NKAIN1: variants seen among roughly 807,000 people sequenced by gnomAD.
The protein encoded by NKAIN1 is sodium/potassium transporting ATPase interacting 1, also known as sodium/potassium-transporting ATPase subunit beta-1-interacting protein 1.
Under a neutral mutation model 31.6 loss-of-function variants are expected in NKAIN1, and 13 were observed. That is an observed-to-expected ratio of 0.41 (90% confidence interval 0.27 to 0.65). The LOEUF (loss-of-function observed/expected upper bound fraction) is 0.65, where lower values mean the gene tolerates loss of function less well. NKAIN1 is among the 30% of genes least tolerant of loss of function. NKAIN1 has a pLI of 0.30. For missense variants in NKAIN1, 193 were observed against 262.2 expected (o/e 0.74, Z 1.82); for synonymous variants, 104 against 109.0 (o/e 0.95, Z 0.28).
chr1:31,219,293 G>T (rs1323492935), intron 1 of NKAIN1, among the ~76,000 whole-genome samples: 6 of 152,242 alleles, frequency 3.9e-5, no homozygotes, highest in Non-Finnish European at 8.8e-5. Context: ...GGTCTCATAC[G>T]CAGGTCTGGA....
At chr1:31,205,913 G>T (rs1462901721) in intron 1 of NKAIN1, among the ~76,000 whole-genome samples, 1 of 150,748 alleles carries the variant, frequency 6.6e-6, no homozygotes. Context: ...ATGAGCCACC[G>T]CGCCCGGCCC....
chr1:31,201,844 G>A (rs971313156), intron 1 of NKAIN1, among the ~76,000 whole-genome samples: 1 of 152,206 alleles, frequency 6.6e-6, no homozygotes, highest in Admixed American at 6.5e-5. Flanking sequence ...CCAGCATTTG[G>A]GAGTCTCACC....
intron 2 of NKAIN1, among the ~76,000 whole-genome samples, chr1:31,185,591 G>C (rs929868463): frequency 8.5e-5 from 13 of 152,142 alleles, no homozygotes; most frequent in African/African-American, 3.1e-4. Flanking sequence ...ACACAGCTAG[G>C]AGGAGGTAGG....
chr1:31,226,673 C>A (rs1158002969), intron 1 of NKAIN1, among the ~76,000 whole-genome samples: 1 of 151,950 alleles, frequency 6.6e-6, no homozygotes, highest in Non-Finnish European at 1.5e-5. Context: ...TACAGGCGTG[C>A]ACCACCACAC....
chr1:31,206,535 A>G (rs1645425804), intron 1 of NKAIN1, among the ~76,000 whole-genome samples: 1 of 152,072 alleles, frequency 6.6e-6, no homozygotes, highest in South Asian at 2.1e-4. Context: ...TCCTGGGCTC[A>G]AGTGATCCTC....
intron 3 of NKAIN1, 78 bp from the exon 4 acceptor site, chr1:31,184,092 T>A: frequency 7.6e-7 from 1 of 1,315,680 alleles, no homozygotes; most frequent in South Asian, 1.4e-5. Context: ...AGGAAGACTA[T>A]ATTGATCGGT....
At chr1:31,208,548 G>T (rs543185797) in intron 1 of NKAIN1, among the ~76,000 whole-genome samples, 79 of 152,158 alleles carry the variant, frequency 5.2e-4, no homozygotes, top group Non-Finnish European at 9.0e-4. Flanking sequence ...AGCACCCCTG[G>T]GGGTGGGGAT....
chr1:31,228,983 T>C, intron 1 of NKAIN1, among the ~76,000 whole-genome samples: 1 of 152,150 alleles, frequency 6.6e-6, no homozygotes, highest in East Asian at 1.9e-4. Context: ...GTCTGAAAGC[T>C]GCTAACAGAG....
intron 1 of NKAIN1, among the ~76,000 whole-genome samples, chr1:31,231,512 TTTG>T (rs1355930058): frequency 7.3e-6 from 1 of 136,538 alleles, no homozygotes; most frequent in Non-Finnish European, 1.6e-5. Context: ...TTCAATTGTT[TTTG>T]TTGTTGTTTG....
chr1:31,204,564 A>G (rs1645409133), intron 1 of NKAIN1, among the ~76,000 whole-genome samples: 1 of 152,168 alleles, frequency 6.6e-6, no homozygotes, highest in South Asian at 2.1e-4. Flanking sequence ...TCCAAAGAGG[A>G]GCACTTAAGA....
At chr1:31,206,935 G>A (rs1223116688) in intron 1 of NKAIN1, among the ~76,000 whole-genome samples, 1 of 152,022 alleles carries the variant, frequency 6.6e-6, no homozygotes, top group Non-Finnish European at 1.5e-5. Flanking sequence ...GGGTTTCGCC[G>A]TGTTGGCCAG....
intron 3 of NKAIN1, among the ~76,000 whole-genome samples, chr1:31,184,828 C>G (rs1196490489): frequency 3.9e-5 from 6 of 152,254 alleles, no homozygotes; most frequent in South Asian, 2.1e-4. Flanking sequence ...TAACTAGTCT[C>G]TTTCCCTTCT....
chr1:31,238,048 G>A (rs1272992620), intron 1 of NKAIN1, among the ~76,000 whole-genome samples: 1 of 152,076 alleles, frequency 6.6e-6, no homozygotes, highest in Non-Finnish European at 1.5e-5. Flanking sequence ...AATTCCCTCT[G>A]CAATCCTCAG....
At chr1:31,212,328 A>T (rs1645475930) in intron 1 of NKAIN1, among the ~76,000 whole-genome samples, 1 of 152,212 alleles carries the variant, frequency 6.6e-6, no homozygotes, top group African/African-American at 2.4e-5. Context: ...CCTAAATGTA[A>T]GAGCCAAAAC....
chr1:31,182,498 A>AT (rs774277697), intron 5 of NKAIN1, 32 bp downstream of exon 5: 2 of 1,613,230 alleles, frequency 1.2e-6, no homozygotes, highest in Non-Finnish European at 8.5e-7. Context: ...GCAGGGCCAG[A>AT]TTCCCCACTT....
At chr1:31,232,424 T>TATATATATAGAG (rs1313157898) in intron 1 of NKAIN1, among the ~76,000 whole-genome samples, 18 of 16,916 alleles carry the variant, frequency 1.1e-3, no homozygotes, top group African/African-American at 1.5e-3. Context: ...TATATATATA[T>TATATATATAGAG]AGAGAGAGAG....
Position 31,184,029 on chromosome 1 carries a change from G to T in NKAIN1, c.274-15C>A, listed in dbSNP as rs760860604. The T allele has an allele frequency of 6.2e-7, 1 of 1,611,376 alleles. No homozygotes were observed. The highest frequency in any genetic ancestry group is 8.5e-7 in the Non-Finnish European group (1 of 1,178,564). On this transcript the variant is annotated splice_polypyrimidine_tract_variant and intron_variant, in intron 3 of 6. Coordinates refer to ENST00000373736, the MANE Select transcript of NKAIN1 (RefSeq NM_024522.3). ...AAGTCCCGGTCCTGGGGGCAAAGGG[G>T]CCTGGGATACTGAGTGTGAGGGAGA...
intron 1 of NKAIN1, among the ~76,000 whole-genome samples, chr1:31,234,739 T>A (rs551027244): frequency 3.5e-4 from 54 of 152,196 alleles, no homozygotes; most frequent in East Asian, 2.5e-3. Context: ...GCTATCGAAA[T>A]ATGATCATCT....
intron 1 of NKAIN1, among the ~76,000 whole-genome samples, chr1:31,238,298 C>T (rs537869441): frequency 1.6e-4 from 24 of 152,264 alleles, no homozygotes; most frequent in African/African-American, 5.3e-4. Flanking sequence ...ATCATTGGCT[C>T]CTGTGGTGGG....
Sources: gnomAD v4.1 joint callset for allele counts (sites outside exome capture counted in the v4.1 genomes callset) on GRCh38, gnomAD v4.1.1 for gene constraint, MANE v1.5 for transcripts, NCBI Gene and HGNC (gene_info 2026-07-23, HGNC 2026-07-21) for gene names.